The following GRIK3 variants were observed in gnomAD, a reference collection of about 807,000 sequenced individuals.
The protein encoded by GRIK3 is glutamate receptor ionotropic, kainate 3.
GRIK3 carries 29 observed loss-of-function variants against 102.5 expected under a neutral mutation model. The ratio of observed to expected loss-of-function variants is 0.28; its 90% confidence interval spans 0.21 to 0.39. The LOEUF (loss-of-function observed/expected upper bound fraction) is 0.39. Ranked by LOEUF, GRIK3 falls within the 10% of genes least tolerant of loss-of-function variation. The probability of loss-of-function intolerance (pLI) is 1.00; values close to 1 mark genes in which losing one functional copy is unlikely to be tolerated. For synonymous variants in GRIK3, 511 were observed against 504.9 expected (o/e 1.01, Z -0.16); for missense variants, 908 against 1,252.4 (o/e 0.73, Z 4.15).
chr1:36,879,805 G>A (rs1325135187), intron 3 of GRIK3, among the ~76,000 whole-genome samples: 2 of 152,188 alleles, frequency 1.3e-5, no homozygotes, highest in African/African-American at 2.4e-5. Context: ...CTTTGGGCCC[G>A]CAGCTCATAG....
intron 1 of GRIK3, among the ~76,000 whole-genome samples, chr1:36,897,027 C>T (rs1263884898): frequency 1.3e-5 from 2 of 152,086 alleles, no homozygotes; most frequent in Admixed American, 6.5e-5. Flanking sequence ...TATGAATAGC[C>T]CACAGCAAAT....
At chr1:37,002,234 A>T (rs947186772) in intron 1 of GRIK3, among the ~76,000 whole-genome samples, 4 of 152,210 alleles carry the variant, frequency 2.6e-5, no homozygotes, top group African/African-American at 7.2e-5. Context: ...CAAAGAAAAA[A>T]TTAGATTTAC....
chr1:37,029,610 C>A (rs1642799266), intron 1 of GRIK3, among the ~76,000 whole-genome samples: 1 of 152,202 alleles, frequency 6.6e-6, no homozygotes, highest in Admixed American at 6.5e-5. Flanking sequence ...CTACATATGG[C>A]CTTATACTTC....
chr1:37,018,959 C>T (rs186947210), intron 1 of GRIK3, among the ~76,000 whole-genome samples: 31 of 152,226 alleles, frequency 2.0e-4, no homozygotes, highest in Admixed American at 1.6e-3. Context: ...TAAAAGCCCC[C>T]GAAGCGACTG....
At chr1:37,020,375 G>A (rs1642696349) in intron 1 of GRIK3, among the ~76,000 whole-genome samples, 1 of 152,172 alleles carries the variant, frequency 6.6e-6, no homozygotes, top group African/African-American at 2.4e-5. Flanking sequence ...TCTATTATAG[G>A]TATGCAGGTC....
chr1:36,841,028 A>G (rs60089194), intron 10 of GRIK3, among the ~76,000 whole-genome samples: 28,376 of 152,140 alleles, frequency 0.19, 3,105 homozygotes, highest in African/African-American at 0.3. Flanking sequence ...TCACAAAGCT[A>G]ATGAGGAAGA....
At chr1:37,014,698 G>A (rs935848304) in intron 1 of GRIK3, among the ~76,000 whole-genome samples, 1 of 152,202 alleles carries the variant, frequency 6.6e-6, no homozygotes, top group Non-Finnish European at 1.5e-5. Context: ...AACACAGGTT[G>A]GGGTTAGAGA....
intron 1 of GRIK3, among the ~76,000 whole-genome samples, chr1:36,934,063 C>T (rs569786582): frequency 3.3e-5 from 5 of 152,354 alleles, no homozygotes; most frequent in African/African-American, 1.2e-4. Flanking sequence ...AGGGGCTGCC[C>T]TCTACTCTCT....
chr1:36,850,369 C>T lies in GRIK3; in HGVS notation c.1268G>A (p.Arg423Gln), dbSNP rs138941744. The T allele has an allele frequency of 1.3e-4, 210 of 1,613,790 alleles. No individual in the cohort carries two copies. The African/African-American group carries it at 1.7e-3, about 13-fold the overall frequency. Residue 423 changes from arginine (R) to glutamine (Q), a missense_variant, in exon 9 of 16, where the codon CGA becomes CAA. By Grantham distance (43) the Arg-to-Gln change is conservative. This residue lies in a region of GRIK3 where 585 missense variants were observed against 824.9 expected (regional missense o/e 0.71). Transcript: ENST00000373091. The surrounding 1 kb of genome is among the most constrained non-coding windows in gnomAD (Gnocchi z 4.0). ...GLNITEVAKG[R>Q]GPNVTDSLTN... ...CAGAGAGTCGGTGACATTAGGGCCT[C>T]GGCCTTTGGCAACCTCAGTGATGTT...
intron 5 of GRIK3, among the ~76,000 whole-genome samples, chr1:36,861,568 T>C (rs189794185): frequency 3.9e-5 from 6 of 152,300 alleles, no homozygotes; most frequent in Non-Finnish European, 7.4e-5. Context: ...CAATGACTCA[T>C]GGAAGGATGA....
intron 4 of GRIK3, among the ~76,000 whole-genome samples, chr1:36,870,826 A>G (rs948125098): frequency 2.6e-5 from 4 of 151,884 alleles, no homozygotes; most frequent in Admixed American, 6.6e-5. Flanking sequence ...TGTGGTGATA[A>G]ATGAGGAGCT....
chr1:36,850,178 C>A lies in GRIK3; in HGVS notation c.1326+133G>T. ...CCAGCTGCTCTCTGAGAACTTCCTGCTGACTCTAAAAGTCTCCACCTACCT... is the reference window on the plus strand; with the variant it reads ...CCAGCTGCTCTCTGAGAACTTCCTGATGACTCTAAAAGTCTCCACCTACCT... On this transcript the variant is annotated intron_variant, in intron 9 of 15. Transcript: ENST00000373091. This position sits in a 1 kb window ranked among gnomAD's most constrained non-coding sequence, Gnocchi z 4.0. 1 of 629,162 alleles carries A rather than the reference C, an allele frequency of 1.6e-6. No homozygotes were observed. Among genetic ancestry groups the A allele is most frequent in the South Asian group, 1.9e-5 (1 of 53,494 alleles). 39.0% of individuals were successfully genotyped at this position (629,162 alleles called of 1,614,324 possible).
intron 5 of GRIK3, among the ~76,000 whole-genome samples, chr1:36,861,830 T>C (rs1312238790): frequency 6.6e-6 from 1 of 151,804 alleles, no homozygotes; most frequent in Non-Finnish European, 1.5e-5. Context: ...CAGGTCAGGA[T>C]CTGGGATGGG....
intron 3 of GRIK3, among the ~76,000 whole-genome samples, chr1:36,875,366 A>G (rs902995946): frequency 1.3e-5 from 2 of 152,248 alleles, no homozygotes; most frequent in Non-Finnish European, 2.9e-5. Context: ...TGCCTTCTCA[A>G]TAGCCATTCT....
intron 10 of GRIK3, among the ~76,000 whole-genome samples, chr1:36,841,352 G>A (rs1177095733): frequency 2.6e-5 from 4 of 152,218 alleles, no homozygotes; most frequent in Non-Finnish European, 5.9e-5. Flanking sequence ...TTGGTGAAGT[G>A]TCTCATGTGG....
rs747259388 is a variant in GRIK3, at chr1:36,841,742, G to T, written c.1524C>A (p.Ile508=). Residue 508 remains isoleucine, a synonymous_variant, in exon 10 of 16, where the codon ATC becomes ATA. Transcript: ENST00000373091. ...GQWNGMVKEL[I]DHKADLAVAP... is the part of the protein sequence containing the mutation. ...TGCTCCCATCCATGCTTACGTGGTCGATGAGCTCCTTGACCATGCCGTTCC... is the reference window on the plus strand; with the variant it reads ...TGCTCCCATCCATGCTTACGTGGTCTATGAGCTCCTTGACCATGCCGTTCC... The T allele has an allele frequency of 1.2e-6, 2 of 1,613,056 alleles. No individual in the cohort carries two copies. Among genetic ancestry groups the T allele is most frequent in the Non-Finnish European group, 8.5e-7 (1 of 1,179,046 alleles).
rs1448039833 is a variant in GRIK3, at chr1:36,821,602, T to C, written c.1755-1748A>G. On this transcript the variant is annotated intron_variant, in intron 11 of 15. Coordinates refer to ENST00000373091, the MANE Select transcript of GRIK3 (RefSeq NM_000831.4). ...CACCACCGGGTCCCAGGATGCTGGG[T>C]CCACAGTGCTTCCCCTGGACCAGAT... is the stretch of plus-strand genomic sequence containing the variant. Among the ~76,000 whole-genome samples, 4 of 152,150 alleles carry C rather than the reference T, an allele frequency of 2.6e-5. No individual in the cohort carries two copies. In the East Asian group the frequency reaches 7.7e-4, roughly 29 times the overall value.
At chr1:36,856,317 G>C (rs1570762774) in intron 7 of GRIK3, among the ~76,000 whole-genome samples, 1 of 152,336 alleles carries the variant, frequency 6.6e-6, no homozygotes, top group East Asian at 1.9e-4. Context: ...TGCACGGCCT[G>C]TCTGTGGGCG....
At chr1:36,873,937 C>T (rs1194755495) in intron 3 of GRIK3, among the ~76,000 whole-genome samples, 1 of 152,190 alleles carries the variant, frequency 6.6e-6, no homozygotes, top group Admixed American at 6.5e-5. Flanking sequence ...TCCACCAGGA[C>T]AGATGTCAGA....
Sources: gnomAD v4.1 joint callset for allele counts (sites outside exome capture counted in the v4.1 genomes callset) on GRCh38, gnomAD v4.1.1 for gene constraint, gnomAD v4.1.1 regional missense constraint, Gnocchi (gnomAD v3.1) non-coding constraint, MANE v1.5 for transcripts, NCBI Gene and HGNC (gene_info 2026-07-23, HGNC 2026-07-21) for gene names.